The following GRIK2 variants were observed in gnomAD, a reference collection of about 807,000 sequenced individuals.
GRIK2 encodes glutamate receptor ionotropic, kainate 2.
Under a neutral mutation model 100.3 loss-of-function variants are expected in GRIK2, and 32 were observed. The ratio of observed to expected loss-of-function variants is 0.32; its 90% CI spans 0.24 to 0.43. GRIK2 has a LOEUF of 0.43. Ranked by LOEUF, GRIK2 falls within the 20% of genes least tolerant of loss-of-function variation. GRIK2 has a pLI of 1.00. For missense variants in GRIK2, 843 were observed against 1,114.9 expected (o/e 0.76, Z 3.47); for synonymous variants, 417 against 389.4 (o/e 1.07, Z -0.83).
intron 10 of GRIK2, among the ~76,000 whole-genome samples, chr6:101,828,965 A>G (rs1782506244): frequency 6.6e-6 from 1 of 152,006 alleles, no homozygotes; most frequent in African/African-American, 2.4e-5. Context: ...AACAAAGAAG[A>G]AAACTATAGG....
At chr6:101,966,546 T>C (rs1330210049) in intron 14 of GRIK2, among the ~76,000 whole-genome samples, 1 of 152,148 alleles carries the variant, frequency 6.6e-6, no homozygotes, top group East Asian at 1.9e-4. Context: ...CAGGATATGT[T>C]GAGGACCTGA....
intron 7 of GRIK2, among the ~76,000 whole-genome samples, chr6:101,719,163 T>G (rs1327112763): frequency 1.8e-4 from 11 of 60,966 alleles, no homozygotes; most frequent in South Asian, 5.4e-4. Flanking sequence ...TTTTTTTTTT[T>G]TTTTTTTTTT....
intron 2 of GRIK2, among the ~76,000 whole-genome samples, chr6:101,577,473 A>T (rs563961153): frequency 1.3e-5 from 2 of 152,182 alleles, no homozygotes; most frequent in Admixed American, 6.6e-5. Flanking sequence ...TTTTCTTCTA[A>T]ATAAGAAAAT....
At chr6:101,722,031 G>T (rs1362324044) in intron 7 of GRIK2, among the ~76,000 whole-genome samples, 2 of 151,914 alleles carry the variant, frequency 1.3e-5, no homozygotes, top group South Asian at 2.1e-4. Context: ...CCTCATTAAA[G>T]GGGGAAGGAG....
chr6:101,817,812 T>C (rs1394436767), intron 9 of GRIK2, among the ~76,000 whole-genome samples: 1 of 152,234 alleles, frequency 6.6e-6, no homozygotes, highest in Non-Finnish European at 1.5e-5. Flanking sequence ...TCTCCTTTCT[T>C]GGGAGCACTT....
intron 4 of GRIK2, among the ~76,000 whole-genome samples, chr6:101,638,808 A>T (rs558958122): frequency 6.6e-6 from 1 of 151,754 alleles, no homozygotes; most frequent in East Asian, 2.0e-4. Context: ...ACATAGTGAA[A>T]CCTAGTCTCT....
intron 14 of GRIK2, among the ~76,000 whole-genome samples, chr6:101,984,614 A>ACACACACAC (rs1793908585): frequency 7.7e-6 from 1 of 129,158 alleles, no homozygotes; most frequent in Non-Finnish European, 1.6e-5. Context: ...TACACATTAA[A>ACACACACAC]ACACACACAC....
chr6:101,943,039 G>T (rs1488217536), intron 14 of GRIK2, among the ~76,000 whole-genome samples: 1 of 152,146 alleles, frequency 6.6e-6, no homozygotes, highest in Non-Finnish European at 1.5e-5. Context: ...ATGGATTCAT[G>T]GGCCAGGTCC....
At chr6:101,527,524 G>A (rs1006933223) in intron 2 of GRIK2, among the ~76,000 whole-genome samples, 2 of 152,126 alleles carry the variant, frequency 1.3e-5, no homozygotes, top group African/African-American at 2.4e-5. Flanking sequence ...AGTTAAAAAC[G>A]GAAGTGATGT....
chr6:101,520,207 C>G (rs1307833038), intron 2 of GRIK2, among the ~76,000 whole-genome samples: 1 of 151,648 alleles, frequency 6.6e-6, no homozygotes, highest in Non-Finnish European at 1.5e-5. Flanking sequence ...TTTCATTGCA[C>G]AAAATTCTAA....
rs1775135892 is a variant in GRIK2 at position 101,399,061 on chromosome 6, C to T, written c.-217C>T. ...TCTCCGACTAACATGGATGTCCCAC[C>T]ATTCCTTGCAGTGGAAGGTTGTTCC... On this transcript the variant is annotated 5_prime_UTR_variant, in exon 2 of 17. Transcript: ENST00000369134. 1 of 496,120 alleles carries T rather than the reference C, an allele frequency of 2.0e-6. No homozygotes were observed. Among genetic ancestry groups the T allele is most frequent in the Non-Finnish European group, 3.6e-6 (1 of 279,836 alleles). 30.7% of individuals were successfully genotyped at this position (496,120 alleles called of 1,614,324 possible).
chr6:101,663,556 G>C (rs756454976), intron 4 of GRIK2, among the ~76,000 whole-genome samples: 1 of 152,236 alleles, frequency 6.6e-6, no homozygotes, highest in Admixed American at 6.5e-5. Context: ...GGATGCTTCT[G>C]GATTATGCTT....
At chr6:101,686,104 A>T (rs1562310008) in intron 6 of GRIK2, 76 bp from the exon 7 acceptor site, 1 of 1,261,426 alleles carries the variant, frequency 7.9e-7, no homozygotes, top group Non-Finnish European at 1.1e-6. Context: ...AAAACAAAAA[A>T]AGTGACTATT....
intron 16 of GRIK2, among the ~76,000 whole-genome samples, chr6:102,059,074 G>A (rs1416415167): frequency 6.6e-6 from 1 of 151,052 alleles, no homozygotes; most frequent in African/African-American, 2.4e-5. Flanking sequence ...ATAATGATAG[G>A]CTTTCTCATA....
intron 15 of GRIK2, among the ~76,000 whole-genome samples, chr6:102,048,131 C>T (rs753553930): frequency 2.5e-4 from 38 of 150,892 alleles, no homozygotes; most frequent in East Asian, 4.0e-4. Context: ...CTTCAATCAA[C>T]GGCGTTGAGA....
chr6:101,910,593 C>T (rs2518188), intron 12 of GRIK2, among the ~76,000 whole-genome samples: 128,095 of 150,960 alleles, frequency 0.85, 54,467 homozygotes, highest in East Asian at 0.94. Flanking sequence ...AGAACATAGA[C>T]CTAATCATAT....
chr6:102,032,757 CTG>C (rs1383455907), intron 14 of GRIK2, among the ~76,000 whole-genome samples: 9 of 151,288 alleles, frequency 5.9e-5, no homozygotes, highest in African/African-American at 2.2e-4. Flanking sequence ...TTATGCCATT[CTG>C]TTTGCTTTAG....
At chr6:101,757,325 T>G (rs1023704455) in intron 7 of GRIK2, among the ~76,000 whole-genome samples, 15 of 152,156 alleles carry the variant, frequency 9.9e-5, no homozygotes, top group African/African-American at 3.6e-4. Context: ...AGTTTAAATT[T>G]AAAAGTTCAG....
intron 14 of GRIK2, among the ~76,000 whole-genome samples, chr6:101,957,008 C>T (rs1450140002): frequency 6.6e-6 from 1 of 151,646 alleles, no homozygotes; most frequent in Non-Finnish European, 1.5e-5. Context: ...TGGGTATATA[C>T]CCAGTAGTGT....
Sources: allele counts gnomAD v4.1 joint callset (sites outside exome capture counted in the v4.1 genomes callset), GRCh38; gene constraint gnomAD v4.1.1; transcripts MANE v1.5; gene names NCBI Gene and HGNC (gene_info 2026-07-23, HGNC 2026-07-21).